Variants in DSCAML1 observed in about 807,000 individuals in gnomAD.
The protein encoded by DSCAML1 is DS cell adhesion molecule like 1, also known as cell adhesion molecule DSCAML1.
DSCAML1 carries 38 observed loss-of-function variants against 200.5 expected under a neutral mutation model. That is an observed-to-expected ratio of 0.19 (90% CI 0.15 to 0.25). The LOEUF (loss-of-function observed/expected upper bound fraction) is 0.25. Ranked by LOEUF, DSCAML1 falls within the 10% of genes least tolerant of loss-of-function variation. The pLI, the probability that DSCAML1 is intolerant of heterozygous loss-of-function variation, is 1.00. For missense variants in DSCAML1, 2,223 were observed against 2,858.8 expected (o/e 0.78, Z 5.07); for synonymous variants, 1,215 against 1,165.0 (o/e 1.04, Z -0.87).
At chr11:117,658,207 G>A (rs1338060136) in intron 3 of DSCAML1, among the ~76,000 whole-genome samples, 1 of 152,164 alleles carries the variant, frequency 6.6e-6, no homozygotes, top group Non-Finnish European at 1.5e-5. Context: ...GCCACCGTGA[G>A]GTCCCTTCTG....
intron 3 of DSCAML1, among the ~76,000 whole-genome samples, chr11:117,547,662 C>T (rs568988655): frequency 6.1e-4 from 93 of 152,342 alleles, no homozygotes; most frequent in African/African-American, 1.5e-3. Context: ...CTATAAAGGC[C>T]GCTCTGCTGC....
At chr11:117,443,539 C>A (rs964297631) in intron 21 of DSCAML1, among the ~76,000 whole-genome samples, 1 of 152,248 alleles carries the variant, frequency 6.6e-6, no homozygotes, top group Non-Finnish European at 1.5e-5. Context: ...GCTGTAGCCA[C>A]CTCTGGAGGA....
In DSCAML1 at chr11:117,625,036, T is replaced by A. The variant is rs571232949; in HGVS notation, c.512-92514A>T. 7.9e-5 allele frequency among the ~76,000 whole-genome samples: 12 copies of A among 152,210 alleles called. 2 individuals are homozygous for A. The highest frequency in any genetic ancestry group is 2.9e-4 in the African/African-American group (12 of 41,516). On this transcript the variant is annotated intron_variant, in intron 3 of 32. Transcript: ENST00000651296. ...TCTGGAGTGTGGCCGGGGCTTTGGA[T>A]GGTTTAAGAGACCCCCAGGTGATTC...
At chr11:117,630,497 G>T (rs1022922875) in intron 3 of DSCAML1, among the ~76,000 whole-genome samples, 1 of 151,882 alleles carries the variant, frequency 6.6e-6, no homozygotes, top group Admixed American at 6.6e-5. Context: ...AGGACCTGGC[G>T]GGCCTGTCTC....
chr11:117,437,840 G>T lies in DSCAML1; in HGVS notation c.4432+55C>A. ...TTACACCCCATACCTGGCCCCTCTA[G>T]CCCACCCTCCCTGGGCCCATCGCTC... On this transcript the variant is annotated intron_variant, in intron 25 of 32. Transcript: ENST00000651296. The surrounding 1 kb of genome is among the most constrained non-coding windows in gnomAD (Gnocchi z 5.3). The T allele has an allele frequency of 6.7e-7, 1 of 1,500,142 alleles. No homozygotes were observed. Among genetic ancestry groups the T allele is most frequent in the African/African-American group, 1.4e-5 (1 of 73,066 alleles). The allele number at this position is 1,500,142 out of a possible 1,614,324, so 92.9% of individuals were successfully genotyped here.
At chr11:117,675,818 C>T (rs2053201773) in intron 3 of DSCAML1, among the ~76,000 whole-genome samples, 1 of 152,178 alleles carries the variant, frequency 6.6e-6, no homozygotes, top group East Asian at 1.9e-4. Flanking sequence ...AAGTAACCCA[C>T]AGACTCTCAG....
intron 1 of DSCAML1, among the ~76,000 whole-genome samples, chr11:117,816,804 GGT>G (rs1396602028): frequency 1.8e-5 from 2 of 110,500 alleles, no homozygotes; most frequent in Non-Finnish European, 4.2e-5. Flanking sequence ...TTGCTGGGGG[GGT>G]GGGGTGGAGA....
chr11:117,578,093 G>T (rs2050979180), intron 3 of DSCAML1, among the ~76,000 whole-genome samples: 2 of 151,816 alleles, frequency 1.3e-5, no homozygotes, highest in South Asian at 4.2e-4. Context: ...ATATTAGCTG[G>T]GTGTGGTGGT....
chr11:117,458,671 T>C, intron 19 of DSCAML1, 83 bp downstream of exon 19: 1 of 1,538,748 alleles, frequency 6.5e-7, no homozygotes, highest in Non-Finnish European at 8.8e-7. Flanking sequence ...AGTACCCTGC[T>C]CTCACCCTGC....
intron 32 of DSCAML1, among the ~76,000 whole-genome samples, chr11:117,429,021 C>T (rs2047728751): frequency 1.3e-5 from 2 of 152,168 alleles, no homozygotes; most frequent in African/African-American, 4.8e-5. Flanking sequence ...TACTTCCCCA[C>T]AGGATTATTG....
At chr11:117,683,611 C>G (rs147683161) in intron 3 of DSCAML1, among the ~76,000 whole-genome samples, 2 of 152,280 alleles carry the variant, frequency 1.3e-5, no homozygotes, top group Non-Finnish European at 2.9e-5. Flanking sequence ...TGCTTCCAGG[C>G]TTTTTCCTGT....
intron 7 of DSCAML1, among the ~76,000 whole-genome samples, chr11:117,517,905 A>G (rs1452503383): frequency 6.6e-6 from 1 of 152,138 alleles, no homozygotes; most frequent in Non-Finnish European, 1.5e-5. Context: ...ACCCCCACCC[A>G]GCCTCAGCCT....
intron 3 of DSCAML1, among the ~76,000 whole-genome samples, chr11:117,679,504 A>G (rs1458267099): frequency 2.6e-5 from 4 of 152,158 alleles, no homozygotes; most frequent in Non-Finnish European, 5.9e-5. Context: ...GGTGAGCAGT[A>G]ATTTCTCTGA....
chr11:117,591,415 A>G (rs370854058), intron 3 of DSCAML1, among the ~76,000 whole-genome samples: 1 of 152,248 alleles, frequency 6.6e-6, no homozygotes, highest in Non-Finnish European at 1.5e-5. Context: ...TAGTCACAGA[A>G]ACCTCGTCTG....
intron 3 of DSCAML1, among the ~76,000 whole-genome samples, chr11:117,687,444 T>TTTTTTA: frequency 6.7e-6 from 1 of 148,702 alleles, no homozygotes. Context: ...TTTTTTTTTT[T>TTTTTTA]TTTTAGAGAT....
At chr11:117,761,194 G>A (rs997725523) in intron 3 of DSCAML1, among the ~76,000 whole-genome samples, 2 of 152,030 alleles carry the variant, frequency 1.3e-5, no homozygotes, top group African/African-American at 4.8e-5. Context: ...CCTTCCAGAC[G>A]AGGTCTCACA....
chr11:117,692,964 C>T (rs1251953689), intron 3 of DSCAML1, among the ~76,000 whole-genome samples: 3 of 152,202 alleles, frequency 2.0e-5, no homozygotes, highest in Non-Finnish European at 2.9e-5. Flanking sequence ...GACCCCTCGC[C>T]ATCTTGAGTG....
At chr11:117,785,009 T>G (rs1255284005) in intron 1 of DSCAML1, among the ~76,000 whole-genome samples, 1 of 152,160 alleles carries the variant, frequency 6.6e-6, no homozygotes, top group Non-Finnish European at 1.5e-5. Flanking sequence ...AAACCCTACT[T>G]CCTCTCGGCT....
chr11:117,498,175 C>A lies in DSCAML1; in HGVS notation c.2359+5670G>T, dbSNP rs572973475. Among the ~76,000 whole-genome samples the A allele has an allele frequency of 1.3e-5, 2 of 152,214 alleles. No homozygotes were observed. Among genetic ancestry groups the A allele is most frequent in the African/African-American group, 4.8e-5 (2 of 41,450 alleles). ...TCTGTGACGAGATAGGACCCACCAC[C>A]GGGGAACACACAGGAATATCTTGGG... On this transcript the variant is annotated intron_variant, in intron 11 of 32. Coordinates refer to ENST00000651296, the MANE Select transcript of DSCAML1 (RefSeq NM_020693.4). This position sits in a 1 kb window ranked among gnomAD's most constrained non-coding sequence, Gnocchi z 4.0.
Sources: gnomAD v4.1 joint callset for allele counts (sites outside exome capture counted in the v4.1 genomes callset) on GRCh38, gnomAD v4.1.1 for gene constraint, Gnocchi (gnomAD v3.1) non-coding constraint, MANE v1.5 for transcripts, NCBI Gene and HGNC (gene_info 2026-07-23, HGNC 2026-07-21) for gene names.